The following FBXO2 variants were observed in gnomAD, a reference collection of about 807,000 sequenced individuals.
The protein encoded by FBXO2 is F-box protein 2.
FBXO2 carries 32 observed loss-of-function variants against 38.6 expected under a neutral mutation model. That is an observed-to-expected ratio of 0.83 (90% CI 0.62 to 1.11). FBXO2 has a LOEUF of 1.11. Among genes scored for constraint, FBXO2 ranks in the 50% most tolerant of loss-of-function variants. The probability of loss-of-function intolerance (pLI) is 0.00; values close to 1 mark genes in which losing one functional copy is unlikely to be tolerated. For missense variants in FBXO2, 450 were observed against 418.3 expected, an observed-to-expected ratio of 1.08 and a Z score of -0.66; for synonymous variants, 189 against 182.9, an observed-to-expected ratio of 1.03 and a Z score of -0.27.
chr1:11,650,562 G>A lies in FBXO2; in HGVS notation c.295C>T (p.Pro99Ser). The change falls in exon 2 of 6, where the codon CCC becomes TCC. Residue 99 changes from proline to serine, a missense_variant. Pro to Ser is a moderately conservative substitution (Grantham distance 74, BLOSUM62 -1). Transcript: ENST00000354287. ...LLKCQQEGLVPEGGVEEERDH... is the reference protein window; with the variant it reads ...LLKCQQEGLVSEGGVEEERDH... ...CGCTCCTCCTCCACGCCGCCCTCGGGCACCAGCCCCTCCTGCTGGCACTTG... is the reference window on the plus strand; with the variant it reads ...CGCTCCTCCTCCACGCCGCCCTCGGACACCAGCCCCTCCTGCTGGCACTTG... The A allele has an allele frequency of 6.3e-7, 1 of 1,594,792 alleles. No homozygotes were observed.
chr1:11,654,219 T>C, intron 1 of FBXO2, 100 bp downstream of exon 1: 9 of 1,311,538 alleles, frequency 6.9e-6, no homozygotes, highest in Non-Finnish European at 8.2e-6. Context: ...CCGCGCCAGG[T>C]CTCCGGGTCC....
intron 1 of FBXO2, among the ~76,000 whole-genome samples, chr1:11,653,807 C>G (rs1639591133): frequency 6.6e-6 from 1 of 152,170 alleles, no homozygotes; most frequent in South Asian, 2.1e-4. Flanking sequence ...AACGCTCCCT[C>G]ACCGCTAGTC....
intron 1 of FBXO2, among the ~76,000 whole-genome samples, chr1:11,651,099 C>T (rs1243451842): frequency 2.6e-5 from 4 of 152,212 alleles, no homozygotes. Flanking sequence ...GGGCAGATGG[C>T]AACAAGGATC....
Position 11,649,768 on chromosome 1 carries a change from G to A in FBXO2, c.617+11C>T, listed in dbSNP as rs1410571441. The A allele has an allele frequency of 1.1e-5, 17 of 1,613,322 alleles. No homozygotes were observed. The Admixed American group carries it at 2.7e-4, about 25-fold the overall frequency. Reference sequence around the variant, plus strand: ...TCCTCCCAGCCCCATGCCACCCCAGGACCCTCTCACCAGTCCTTCACCACG... The same window carrying A: ...TCCTCCCAGCCCCATGCCACCCCAGAACCCTCTCACCAGTCCTTCACCACG... On this transcript the variant is annotated intron_variant, in intron 4 of 5. Transcript: ENST00000354287.
chr1:11,652,554 C>A (rs751242063), intron 1 of FBXO2, among the ~76,000 whole-genome samples: 3 of 152,218 alleles, frequency 2.0e-5, no homozygotes, highest in Non-Finnish European at 4.4e-5. Context: ...GCATCCCAGT[C>A]GGCTTCAGCT....
At position 11,648,835 on chromosome 1, in the gene FBXO2, G is replaced by A; in HGVS notation, c.757-7C>T. On this transcript the variant is annotated splice_region_variant and splice_polypyrimidine_tract_variant and intron_variant, in intron 5 of 5. Coordinates refer to ENST00000354287, the MANE Select transcript of FBXO2 (RefSeq NM_012168.6). This position sits in a 1 kb window ranked among gnomAD's most constrained non-coding sequence, Gnocchi z 4.2. The stretch of plus-strand genomic sequence containing the variant: ...CGGTGAAGGTGTGGGAGATCTGGGG[G>A]TGGAGGTAACAAGAGTCAGCCTCGG... 12 of 1,613,492 alleles carry A rather than the reference G, an allele frequency of 7.4e-6. No individual in the cohort carries two copies. The highest frequency in any genetic ancestry group is 1.0e-5 in the Non-Finnish European group (12 of 1,179,942).
Position 11,648,861 on chromosome 1 carries a change from A to G in FBXO2, c.757-33T>C. 6.2e-7 allele frequency: 1 copy of G among 1,610,970 alleles called. No individual in the cohort carries two copies. Among genetic ancestry groups the G allele is most frequent in the Non-Finnish European group, 8.5e-7 (1 of 1,178,392 alleles). On this transcript the variant is annotated intron_variant, in intron 5 of 5. Transcript: ENST00000354287. The surrounding 1 kb of genome is among the most constrained non-coding windows in gnomAD (Gnocchi z 4.2). Reference sequence around the variant, plus strand: ...TGGAGGTAACAAGAGTCAGCCTCGGAGGTCCTGAGGCCTCTCCTGCCGCCC... The same window carrying G: ...TGGAGGTAACAAGAGTCAGCCTCGGGGGTCCTGAGGCCTCTCCTGCCGCCC...
chr1:11,652,774 G>A (rs1398540535), intron 1 of FBXO2, among the ~76,000 whole-genome samples: 1 of 152,148 alleles, frequency 6.6e-6, no homozygotes, highest in Admixed American at 6.5e-5. Flanking sequence ...CAGGTGGCAG[G>A]ACCCAGACCC....
chr1:11,652,554 CG>C (rs1310012872), intron 1 of FBXO2, among the ~76,000 whole-genome samples: 10 of 152,338 alleles, frequency 6.6e-5, no homozygotes, highest in Middle Eastern at 3.4e-3. Context: ...GCATCCCAGT[CG>C]GCTTCAGCTG....
At position 11,649,083 on chromosome 1, in the gene FBXO2, T is replaced by C. The variant is rs764480161; in HGVS notation, c.756+4A>G. On this transcript the variant is annotated splice_donor_region_variant and intron_variant, in intron 5 of 5. Coordinates refer to ENST00000354287, the MANE Select transcript of FBXO2 (RefSeq NM_012168.6). ...CCCCTCCGCCCTGGGTCCCCCAGGC[T>C]CACCTCCATCCAGCCCCCGCCGTCA... The C allele has an allele frequency of 1.9e-6, 3 of 1,575,744 alleles. No individual in the cohort carries two copies. The Admixed American group carries it at 5.2e-5, about 28-fold the overall frequency.
intron 4 of FBXO2, 161 bp from the exon 5 acceptor site, chr1:11,649,386 A>C: frequency 3.1e-6 from 2 of 651,370 alleles, no homozygotes; most frequent in Non-Finnish European, 5.2e-6. Context: ...GTTTACAGAT[A>C]AGGGAAACGA....
Position 11,649,219 on chromosome 1 carries a change from CGAGTACCTGCTCA to C in FBXO2, c.618-7_623del, listed in dbSNP as rs1557653229. 7.2e-7 allele frequency: 1 copy of C among 1,398,528 alleles called. No individual in the cohort carries two copies. The highest frequency in any genetic ancestry group is 2.2e-5 in the Admixed American group (1 of 46,038). 86.6% of individuals were successfully genotyped at this position (1,398,528 alleles called of 1,614,324 possible). On this transcript the variant is annotated splice_acceptor_variant and splice_polypyrimidine_tract_variant and coding_sequence_variant and intron_variant, in exon 5 of 6. Transcript: ENST00000354287. LOFTEE classifies it high-confidence loss of function. ...AGAGGCAACCAGCGTCGCTGCGGCCCGAGTACCTGCTCAGAGGGAGGGAGCGAGGTGGGGGGCG... is the reference window on the plus strand; with the variant it reads ...AGAGGCAACCAGCGTCGCTGCGGCCCGAGGGAGGGAGCGAGGTGGGGGGCG...
Position 11,650,806 on chromosome 1 carries a change from G to A in FBXO2, c.51C>T (p.Ser17=). ...PESVGQPEEA[S]PEEQPEEASA... ...TCGCCTCCTCTGGCTGCTCCTCCGG[G>A]CTTGCCTCCTCGGGCTGGCCCACGC... The change falls in exon 2 of 6, where the codon AGC becomes AGT. Residue 17 remains serine, a synonymous_variant. Transcript: ENST00000354287. 6.5e-7 allele frequency: 1 copy of A among 1,542,338 alleles called. No individual in the cohort carries two copies.
intron 4 of FBXO2, 37 bp from the exon 5 acceptor site, chr1:11,649,262 G>C: frequency 1.4e-6 from 2 of 1,397,572 alleles, no homozygotes; most frequent in Non-Finnish European, 1.9e-6. Flanking sequence ...GGGGCGGGAG[G>C]TGGGGTGGGG....
Position 11,650,712 on chromosome 1 carries a change from C to T in FBXO2, c.145G>A (p.Glu49Lys), listed in dbSNP as rs560092157. The T allele has an allele frequency of 2.8e-5, 43 of 1,527,584 alleles. No individual in the cohort carries two copies. The highest frequency in any genetic ancestry group is 7.5e-5 in the East Asian group (3 of 40,130). 94.6% of individuals were successfully genotyped at this position (1,527,584 alleles called of 1,614,324 possible). The change falls in exon 2 of 6, where the codon GAG (glutamate) becomes AAG (lysine). Residue 49 changes from glutamate (E) to lysine (K), a missense_variant. Transcript: ENST00000354287. ...CGCAGCAGCAGCGGCTCGGGCAGCTCGTCCAGGTACGCGGCGGCGGCCGCC... is the reference window on the plus strand; with the variant it reads ...CGCAGCAGCAGCGGCTCGGGCAGCTTGTCCAGGTACGCGGCGGCGGCCGCC... ...EAAAAAAYLD[E>K]LPEPLLLRVL...
At chr1:11,652,084 C>T (rs1010465088) in intron 1 of FBXO2, among the ~76,000 whole-genome samples, 1 of 152,230 alleles carries the variant, frequency 6.6e-6, no homozygotes, top group Non-Finnish European at 1.5e-5. Flanking sequence ...CTGCCTCGGC[C>T]TCCTAAAGTT....
Position 11,649,141 on chromosome 1 carries a change from G to T in FBXO2, c.702C>A (p.Phe234Leu). Residue 234 changes from phenylalanine (F) to leucine (L), a missense_variant, in exon 5 of 6, where the codon TTC becomes TTA. Coordinates refer to ENST00000354287, the MANE Select transcript of FBXO2 (RefSeq NM_012168.6). The part of the protein sequence containing the change: ...LSEHENVLAE[F>L]SSGQVAVPQD... The stretch of plus-strand genomic sequence containing the variant: ...GGGGCACTGCCACCTGCCCGCTGCT[G>T]AACTCAGCCAGCACGTTCTCGTGCT... 6.3e-7 allele frequency: 1 copy of T among 1,593,684 alleles called. No homozygotes were observed. Among genetic ancestry groups the T allele is most frequent in the Non-Finnish European group, 8.5e-7 (1 of 1,170,878 alleles).
chr1:11,650,115 T>C, intron 2 of FBXO2, 41 bp from the exon 3 acceptor site: 1 of 1,609,276 alleles, frequency 6.2e-7, no homozygotes, highest in Non-Finnish European at 8.5e-7. Context: ...ACTCAGTCCC[T>C]GCTAAGGCTG....
Position 11,650,013 on chromosome 1 carries a change from C to T in FBXO2, c.453G>A (p.Leu151=), listed in dbSNP as rs773061510. The change falls in exon 3 of 6, where the codon CTG becomes CTA. Residue 151 remains leucine, a synonymous_variant. Coordinates refer to ENST00000354287, the MANE Select transcript of FBXO2 (RefSeq NM_012168.6). ...TGAACTCCACCCCACTGTCTCCAGG[C>T]AGCTCCTCCACCCTCCAGCCGTCCC... ...HGGDGWRVEE[L]PGDSGVEFTH... 1 of 1,614,114 alleles carries T rather than the reference C, an allele frequency of 6.2e-7. No individual in the cohort carries two copies. Among genetic ancestry groups the T allele is most frequent in the South Asian group, 1.1e-5 (1 of 91,088 alleles).
Sources: allele counts gnomAD v4.1 joint callset (sites outside exome capture counted in the v4.1 genomes callset), GRCh38; gene constraint gnomAD v4.1.1; non-coding constraint Gnocchi (gnomAD v3.1); transcripts MANE v1.5; gene names NCBI Gene and HGNC (gene_info 2026-07-23, HGNC 2026-07-21).